NBAS: variants seen among roughly 807,000 people sequenced by gnomAD.
NBAS encodes the protein NBAS subunit of NRZ tethering complex.
NBAS carries 219 observed loss-of-function variants against 302.5 expected under a neutral mutation model. That is an observed-to-expected ratio of 0.72 (90% CI 0.65 to 0.81). The LOEUF (loss-of-function observed/expected upper bound fraction) is 0.81. NBAS is among the 30% of genes least tolerant of loss of function. NBAS has a pLI of 0.00. For synonymous variants in NBAS, 1,118 were observed against 1,021.6 expected (o/e 1.09, Z -1.80); for missense variants, 2,932 against 2,841.6 (o/e 1.03, Z -0.72).
the NBAS span, among the ~76,000 whole-genome samples, chr2:14,955,312 A>C: frequency 6.6e-6 from 1 of 152,326 alleles, no homozygotes; most frequent in Non-Finnish European, 1.5e-5. Flanking sequence ...TGCAGCATAC[A>C]GCCCACCTCC....
the NBAS span, among the ~76,000 whole-genome samples, chr2:14,941,796 CA>C: frequency 2.6e-5 from 4 of 152,314 alleles, no homozygotes; most frequent in East Asian, 7.7e-4. Context: ...GCGGATTTAG[CA>C]TCTTCATTTC....
At chr2:15,438,198 C>T (rs1020520138) in intron 21 of NBAS, among the ~76,000 whole-genome samples, 2 of 152,208 alleles carry the variant, frequency 1.3e-5, no homozygotes, top group Admixed American at 6.5e-5. Flanking sequence ...TCACCTGTTC[C>T]TAATTCTGAA....
chr2:15,312,769 CTT>C (rs1671338542), intron 38 of NBAS, among the ~76,000 whole-genome samples: 1 of 152,196 alleles, frequency 6.6e-6, no homozygotes, highest in African/African-American at 2.4e-5. Flanking sequence ...ATAAACTAAA[CTT>C]AACACCACAG....
chr2:15,504,883 C>T (rs1421336817), intron 10 of NBAS, among the ~76,000 whole-genome samples: 1 of 152,058 alleles, frequency 6.6e-6, no homozygotes, highest in Non-Finnish European at 1.5e-5. Context: ...AGAATGAAAA[C>T]AAGCATTCAA....
chr2:15,149,635 G>C, the NBAS span, among the ~76,000 whole-genome samples: 1 of 152,018 alleles, frequency 6.6e-6, no homozygotes, highest in East Asian at 1.9e-4. Context: ...ATAGGCATGT[G>C]CCACCATGCC....
intron 25 of NBAS, 92 bp downstream of exon 25, chr2:15,415,454 T>C (rs1676880476): frequency 2.5e-6 from 3 of 1,181,498 alleles, no homozygotes; most frequent in African/African-American, 1.5e-5. Flanking sequence ...AGGGAAATTA[T>C]CTGCAAAGCC....
At chr2:14,970,548 A>C in the NBAS span, among the ~76,000 whole-genome samples, 5 of 152,348 alleles carry the variant, frequency 3.3e-5, no homozygotes, top group African/African-American at 1.2e-4. Context: ...CAGGTCCTCT[A>C]ATAGAACACA....
the NBAS span, among the ~76,000 whole-genome samples, chr2:14,806,862 A>T: frequency 2.8e-4 from 43 of 152,342 alleles, 1 homozygote; most frequent in Non-Finnish European, 5.3e-4. Flanking sequence ...TGCATCACCA[A>T]AACAGTTTTT....
chr2:15,315,635 C>G, intron 38 of NBAS, among the ~76,000 whole-genome samples: 1 of 152,272 alleles, frequency 6.6e-6, no homozygotes, highest in South Asian at 2.1e-4. Flanking sequence ...TGCTTCAAGA[C>G]TGGAAAAATC....
chr2:14,870,630 C>T, the NBAS span, among the ~76,000 whole-genome samples: 1 of 151,304 alleles, frequency 6.6e-6, no homozygotes, highest in Non-Finnish European at 1.5e-5. Context: ...TAACTATGTC[C>T]TAGGAGTGAA....
In NBAS at chr2:15,539,149, C is replaced by T. The variant is rs974038926; in HGVS notation, c.513+74G>A. Reference sequence around the variant, plus strand: ...TATATTTGTATTATCCCCCCCTTCACACTCTTTTATTCAAGTACCTATACA... The same window carrying T: ...TATATTTGTATTATCCCCCCCTTCATACTCTTTTATTCAAGTACCTATACA... On this transcript the variant is annotated intron_variant, in intron 7 of 51. Coordinates refer to ENST00000281513, the MANE Select transcript of NBAS (RefSeq NM_015909.4). 8 of 1,582,510 alleles carry T rather than the reference C, an allele frequency of 5.1e-6. No individual in the cohort carries two copies. The African/African-American group carries it at 8.1e-5, about 16-fold the overall frequency.
chr2:15,202,892 A>G (rs1270039714), intron 48 of NBAS, among the ~76,000 whole-genome samples: 1 of 152,138 alleles, frequency 6.6e-6, no homozygotes, highest in Non-Finnish European at 1.5e-5. Context: ...CTTTGCTTTG[A>G]GTTAAATTTG....
At chr2:15,236,941 T>G (rs1279513792) in intron 45 of NBAS, among the ~76,000 whole-genome samples, 3 of 152,164 alleles carry the variant, frequency 2.0e-5, no homozygotes, top group African/African-American at 7.2e-5. Context: ...GGCTTTGCAT[T>G]TATGTCTTGT....
intron 44 of NBAS, among the ~76,000 whole-genome samples, chr2:15,242,477 A>G (rs1212915524): frequency 1.3e-5 from 2 of 152,170 alleles, no homozygotes; most frequent in Non-Finnish European, 2.9e-5. Flanking sequence ...TTTTATTACT[A>G]TACTTTGTAA....
chr2:15,267,967 T>C (rs1669151629), intron 44 of NBAS, among the ~76,000 whole-genome samples: 2 of 152,200 alleles, frequency 1.3e-5, no homozygotes, highest in Admixed American at 1.3e-4. Flanking sequence ...TAAAATCTTA[T>C]TATATGTGAG....
At chr2:15,345,405 T>C (rs960526133) in intron 35 of NBAS, among the ~76,000 whole-genome samples, 4 of 152,114 alleles carry the variant, frequency 2.6e-5, no homozygotes, top group African/African-American at 9.7e-5. Context: ...CCATTCATAA[T>C]TGCTACAAAG....
chr2:15,121,707 G>A, the NBAS span, among the ~76,000 whole-genome samples: 4 of 149,780 alleles, frequency 2.7e-5, no homozygotes, highest in African/African-American at 7.4e-5. Context: ...TCATGTTACA[G>A]TTGTTGCAGA....
chr2:14,877,373 T>C, the NBAS span, among the ~76,000 whole-genome samples: 1 of 152,322 alleles, frequency 6.6e-6, no homozygotes, highest in South Asian at 2.1e-4. Flanking sequence ...TTCTCCTGGC[T>C]CCTACTGGTA....
the NBAS span, among the ~76,000 whole-genome samples, chr2:14,802,104 A>C: frequency 1.0e-4 from 15 of 143,108 alleles, no homozygotes; most frequent in African/African-American, 3.4e-4. Context: ...GCCCATGCCT[A>C]TGTCCTGAAT....
Sources: gnomAD v4.1 joint callset for allele counts (sites outside exome capture counted in the v4.1 genomes callset) on GRCh38, gnomAD v4.1.1 for gene constraint, MANE v1.5 for transcripts, NCBI Gene and HGNC (gene_info 2026-07-23, HGNC 2026-07-21) for gene names.